Variants in TRIO observed in about 807,000 individuals in gnomAD.
The protein encoded by TRIO is trio Rho guanine nucleotide exchange factor.
A neutral mutation model predicts 351.9 loss-of-function variants in TRIO; 58 were observed. The observed-to-expected ratio is 0.16, with a 90% confidence interval of 0.13 to 0.21. The LOEUF (loss-of-function observed/expected upper bound fraction) is 0.21, where lower values mean the gene tolerates loss of function less well. Ranked by LOEUF, TRIO falls within the 10% of genes least tolerant of loss-of-function variation. The pLI is 1.00. For synonymous variants in TRIO, 1,758 were observed against 1,595.7 expected (o/e 1.10, Z -2.42); for missense variants, 3,201 against 4,027.8 (o/e 0.79, Z 5.56).
At position 14,461,171 on chromosome 5, in the gene TRIO, A is replaced by T; in HGVS notation, c.5356A>T (p.Ser1786Cys). 1 of 1,558,876 alleles carries T rather than the reference A, an allele frequency of 6.4e-7. No individual in the cohort carries two copies. Among genetic ancestry groups the T allele is most frequent in the Non-Finnish European group, 8.7e-7 (1 of 1,152,040 alleles). Residue 1786 changes from serine (S) to cysteine (C), a missense_variant, in exon 35 of 57, where the codon AGC (serine) becomes TGC (cysteine). Ser to Cys is a moderately radical substitution (Grantham distance 112). This residue lies in a region of TRIO where 193 missense variants were observed against 218.8 expected (regional missense o/e 0.88). Coordinates refer to ENST00000344204, the MANE Select transcript of TRIO (RefSeq NM_007118.4). ...CACCAGCCCCGTGCGGCGGCTCAGC[A>T]GCGGCAAGGCCGACGGGCACGTGAA... ...WLTSPVRRLSSGKADGHVKKL... is the reference protein window; with the variant it reads ...WLTSPVRRLSCGKADGHVKKL...
At chr5:14,506,238 C>T (rs1317591311) in intron 55 of TRIO, among the ~76,000 whole-genome samples, 1 of 152,240 alleles carries the variant, frequency 6.6e-6, no homozygotes, top group East Asian at 1.9e-4. Context: ...GTGCTTTCAG[C>T]TGTCATTTCT....
intron 1 of TRIO, among the ~76,000 whole-genome samples, chr5:14,206,428 G>T (rs33005): frequency 0.44 from 67,241 of 152,198 alleles, 16,939 homozygotes; most frequent in Non-Finnish European, 0.56. Flanking sequence ...AATTCCTCTA[G>T]ATTCTTGCTC....
In TRIO at chr5:14,304,570, A is replaced by G; in HGVS notation, c.1478A>G (p.His493Arg). 2.5e-6 allele frequency: 4 copies of G among 1,613,422 alleles called. No homozygotes were observed. Among genetic ancestry groups the G allele is most frequent in the Non-Finnish European group, 3.4e-6 (4 of 1,179,862 alleles). Residue 493 changes from histidine (H) to arginine (R), a missense_variant, in exon 8 of 57, where the codon CAT becomes CGT. This residue lies in a region of TRIO where 349 missense variants were observed against 449.3 expected (regional missense o/e 0.78). Transcript: ENST00000344204. ...CATCACCACCAGGGAATATATGAACATATCACTCTTGCTTATTCTGAGGTA... is the reference window on the plus strand; with the variant it reads ...CATCACCACCAGGGAATATATGAACGTATCACTCTTGCTTATTCTGAGGTA... ...AIHHHQGIYE[H>R]ITLAYSEVSQ...
chr5:14,308,715 A>G (rs1254911264), intron 8 of TRIO, among the ~76,000 whole-genome samples: 1 of 91,560 alleles, frequency 1.1e-5, no homozygotes, highest in Non-Finnish European at 2.0e-5. Flanking sequence ...CCACCCATTC[A>G]TTTGTCCATC....
At chr5:14,406,125 A>T (rs1748693139) in intron 32 of TRIO, 135 bp downstream of exon 32, 2 of 1,270,928 alleles carry the variant, frequency 1.6e-6, no homozygotes. Context: ...ATTTGTGGAT[A>T]ACATCATTCT....
At chr5:14,198,960 G>A (rs1052191462) in intron 1 of TRIO, among the ~76,000 whole-genome samples, 1 of 151,984 alleles carries the variant, frequency 6.6e-6, no homozygotes, top group Non-Finnish European at 1.5e-5. Context: ...CTCTTGGGCC[G>A]GGTGCGGTGG....
chr5:14,455,924 C>T (rs899681902), intron 34 of TRIO, among the ~76,000 whole-genome samples: 4 of 152,270 alleles, frequency 2.6e-5, no homozygotes, highest in East Asian at 1.9e-4. Flanking sequence ...GTCGATGGGA[C>T]CGGGCGCTGC....
At chr5:14,197,043 A>T (rs1302046505) in intron 1 of TRIO, among the ~76,000 whole-genome samples, 1 of 152,214 alleles carries the variant, frequency 6.6e-6, no homozygotes, top group Non-Finnish European at 1.5e-5. Flanking sequence ...CTTGTAAAAA[A>T]CATCGTTGGA....
chr5:14,403,317 T>G (rs1470337745), intron 31 of TRIO, among the ~76,000 whole-genome samples: 5 of 105,546 alleles, frequency 4.7e-5, no homozygotes, highest in African/African-American at 9.5e-5. Flanking sequence ...TAGGTTGTGG[T>G]GGTGAGGGTG....
intron 1 of TRIO, among the ~76,000 whole-genome samples, chr5:14,255,331 A>G (rs1794968880): frequency 6.6e-6 from 1 of 152,228 alleles, no homozygotes; most frequent in African/African-American, 2.4e-5. Context: ...CGGGTAGTGG[A>G]TGGGGCTGTT....
intron 34 of TRIO, among the ~76,000 whole-genome samples, chr5:14,460,562 C>G (rs1753703957): frequency 6.6e-6 from 1 of 152,260 alleles, no homozygotes; most frequent in Non-Finnish European, 1.5e-5. Flanking sequence ...GATTAGCTTA[C>G]AGTAAGCATG....
chr5:14,171,950 T>C (rs1447483911), intron 1 of TRIO, among the ~76,000 whole-genome samples: 1 of 152,224 alleles, frequency 6.6e-6, no homozygotes, highest in Non-Finnish European at 1.5e-5. Flanking sequence ...GATATCCTTG[T>C]ATGCAAGGTG....
At chr5:14,376,549 A>G (rs1323893174) in intron 19 of TRIO, among the ~76,000 whole-genome samples, 1 of 152,208 alleles carries the variant, frequency 6.6e-6, no homozygotes. Flanking sequence ...TCACTTAATA[A>G]TATATCTTAG....
intron 11 of TRIO, among the ~76,000 whole-genome samples, chr5:14,356,754 G>T (rs1257942493): frequency 6.6e-6 from 1 of 152,162 alleles, no homozygotes; most frequent in Non-Finnish European, 1.5e-5. Flanking sequence ...ATCAATTGTG[G>T]TTTCACACAT....
intron 29 of TRIO, among the ~76,000 whole-genome samples, chr5:14,397,667 T>C (rs558448685): frequency 6.6e-6 from 1 of 152,274 alleles, no homozygotes; most frequent in Non-Finnish European, 1.5e-5. Context: ...TTAAGAAAGC[T>C]CTTCCTGTTG....
chr5:14,383,330 C>T (rs1746276737), intron 21 of TRIO, among the ~76,000 whole-genome samples: 1 of 152,212 alleles, frequency 6.6e-6, no homozygotes, highest in East Asian at 1.9e-4. Context: ...CTCTGCTCCA[C>T]TCTGCAGGCC....
intron 49 of TRIO, among the ~76,000 whole-genome samples, chr5:14,494,697 G>A (rs1292665094): frequency 6.6e-6 from 1 of 152,100 alleles, no homozygotes; most frequent in Non-Finnish European, 1.5e-5. Context: ...TCAGGAGTTC[G>A]AGACCAGCCT....
In TRIO at chr5:14,297,075, G is replaced by A. The variant is rs1275833555; in HGVS notation, c.1180G>A (p.Val394Met). 5.6e-6 allele frequency: 9 copies of A among 1,608,646 alleles called. No individual in the cohort carries two copies. Among genetic ancestry groups the A allele is most frequent in the South Asian group, 2.2e-5 (2 of 90,918 alleles). ...HNHFAMNCMN[V>M]YVNINRIMSV... ...TCTTTTCCTGCCCACTTTCCAGAAC[G>A]TGTATGTAAATATAAACCGCATCAT... is the stretch of plus-strand genomic sequence containing the variant. Residue 394 changes from valine to methionine, a missense_variant, in exon 7 of 57, where the codon GTG (valine) becomes ATG (methionine). Around this residue, in one of 19 missense-constraint regions of TRIO, gnomAD observed 349 missense variants for 449.3 expected, o/e 0.78. Coordinates refer to ENST00000344204, the MANE Select transcript of TRIO (RefSeq NM_007118.4).
intron 39 of TRIO, 83 bp from the exon 40 acceptor site, chr5:14,473,911 C>A: frequency 1.4e-6 from 2 of 1,397,396 alleles, no homozygotes; most frequent in South Asian, 1.3e-5. Flanking sequence ...TCCATTTTGC[C>A]CTCTGTGACT....
Sources: gnomAD v4.1 joint callset for allele counts (sites outside exome capture counted in the v4.1 genomes callset) on GRCh38, gnomAD v4.1.1 for gene constraint, gnomAD v4.1.1 regional missense constraint, MANE v1.5 for transcripts, NCBI Gene and HGNC (gene_info 2026-07-23, HGNC 2026-07-21) for gene names.